AKAP8: variants seen among roughly 807,000 people sequenced by gnomAD.
The protein encoded by AKAP8 is A-kinase anchoring protein 8.
A neutral mutation model predicts 67.5 loss-of-function variants in AKAP8; 24 were observed. The ratio of observed to expected loss-of-function variants is 0.36; its 90% CI spans 0.26 to 0.50. The LOEUF (loss-of-function observed/expected upper bound fraction) is 0.50. Ranked by LOEUF, AKAP8 falls within the 20% of genes least tolerant of loss-of-function variation. The probability of loss-of-function intolerance (pLI) is 0.97; values close to 1 mark genes in which losing one functional copy is unlikely to be tolerated. For missense variants in AKAP8, 971 were observed against 955.9 expected (o/e 1.02, Z -0.21); for synonymous variants, 400 against 371.1 (o/e 1.08, Z -0.90).
At chr19:15,368,191 C>T (rs1967098671) in intron 9 of AKAP8, 44 bp downstream of exon 9, 2 of 1,605,238 alleles carry the variant, frequency 1.2e-6, no homozygotes, top group East Asian at 4.5e-5. Flanking sequence ...GCCTCCACCG[C>T]ACGAGTCCAC....
intron 9 of AKAP8, among the ~76,000 whole-genome samples, chr19:15,362,931 G>A (rs1966996934): frequency 6.6e-6 from 1 of 151,850 alleles, no homozygotes; most frequent in Non-Finnish European, 1.5e-5. Flanking sequence ...CTTCCCGGCC[G>A]CCATCACATC....
chr19:15,361,035 A>T, intron 11 of AKAP8, 57 bp from the exon 12 acceptor site: 2 of 1,583,276 alleles, frequency 1.3e-6, no homozygotes, highest in Non-Finnish European at 8.6e-7. Flanking sequence ...CTTTCCTCCT[A>T]CTCCCCATCT....
intron 8 of AKAP8, chr19:15,368,887 C>T (rs1292277276): frequency 1.0e-6 from 1 of 985,206 alleles, no homozygotes; most frequent in African/African-American, 1.7e-5. Context: ...AGGGCTTTCC[C>T]AGGGCTGCGT....
At chr19:15,357,781 T>G (rs961239525) in intron 13 of AKAP8, among the ~76,000 whole-genome samples, 2 of 149,440 alleles carry the variant, frequency 1.3e-5, no homozygotes, top group African/African-American at 4.9e-5. Context: ...TGGCACGATC[T>G]TGGCTCACTG....
intron 13 of AKAP8, 64 bp downstream of exon 13, chr19:15,358,903 T>A (rs1568423255): frequency 6.8e-7 from 1 of 1,469,942 alleles, no homozygotes. Flanking sequence ...TTCAACTCCC[T>A]GCTCCTGGGG....
Position 15,371,287 on chromosome 19 carries a change from ACGTGCTGCC to A in AKAP8, c.1038+656_1038+664del, listed in dbSNP as rs200278855. 7.3e-4 allele frequency among the ~76,000 whole-genome samples: 111 copies of A among 152,096 alleles called. 1 individual carries two copies. In the East Asian group the frequency reaches 0.016, roughly 21 times the overall value. On this transcript the variant is annotated intron_variant, in intron 7 of 13. Coordinates refer to ENST00000269701, the MANE Select transcript of AKAP8 (RefSeq NM_005858.4). ...GTGGTCCCGGCTATGAACTGGCCCCACGTGCTGCCTGCCTGTGCCTTGTTGTGAGGATGG... is the reference window on the plus strand; with the variant it reads ...GTGGTCCCGGCTATGAACTGGCCCCATGCCTGTGCCTTGTTGTGAGGATGG...
At position 15,369,715 on chromosome 19, in the gene AKAP8, A is replaced by C. The variant is rs1046988757; in HGVS notation, c.1072+431T>G. Among the ~76,000 whole-genome samples the C allele has an allele frequency of 1.3e-5, 2 of 152,184 alleles. No homozygotes were observed. Among genetic ancestry groups the C allele is most frequent in the African/African-American group, 4.8e-5 (2 of 41,442 alleles). ...CAGTGCAGCTGCCAGTATCCCCACC[A>C]CAGAGGCCCACAGCACAGCCCAGGG... On this transcript the variant is annotated intron_variant, in intron 8 of 13. Transcript: ENST00000269701. This position sits in a 1 kb window ranked among gnomAD's most constrained non-coding sequence, Gnocchi z 4.6.
chr19:15,372,466 C>G, intron 5 of AKAP8, 119 bp from the exon 6 acceptor site: 1 of 1,353,522 alleles, frequency 7.4e-7, no homozygotes, highest in Non-Finnish European at 1.0e-6. Flanking sequence ...TTTCAAAAAG[C>G]AAAGAGACAA....
At chr19:15,374,567 T>G in intron 3 of AKAP8, 36 bp downstream of exon 3, 2 of 1,607,238 alleles carry the variant, frequency 1.2e-6, no homozygotes, top group Non-Finnish European at 1.7e-6. Context: ...GAGGCCCACT[T>G]GCCCGCCCAC....
intron 9 of AKAP8, among the ~76,000 whole-genome samples, chr19:15,367,695 C>T (rs1568426583): frequency 6.6e-6 from 1 of 152,198 alleles, no homozygotes; most frequent in Non-Finnish European, 1.5e-5. Flanking sequence ...CCTTTGGGCT[C>T]AACATTTTTG....
rs1337127370 is a variant in AKAP8 at position 15,374,078 on chromosome 19, G to C, written c.92-13C>G. ...TAGTTTTCATAACCTGTCACAGGGG[G>C]AGGAGCCAAGTCAGACTTCAGCAGC... On this transcript the variant is annotated splice_polypyrimidine_tract_variant and intron_variant, in intron 3 of 13. Coordinates refer to ENST00000269701, the MANE Select transcript of AKAP8 (RefSeq NM_005858.4). 1 of 1,535,836 alleles carries C rather than the reference G, an allele frequency of 6.5e-7. No homozygotes were observed. Among genetic ancestry groups the C allele is most frequent in the Non-Finnish European group, 8.7e-7 (1 of 1,144,094 alleles).
chr19:15,379,286 C>G (rs1166302659), intron 1 of AKAP8: 4 of 172,024 alleles, frequency 2.3e-5, no homozygotes, highest in African/African-American at 7.1e-5. Context: ...TCCCCGGGTC[C>G]GACCTCACAA....
intron 8 of AKAP8, chr19:15,368,885 C>T (rs1352806138): frequency 5.1e-6 from 5 of 985,326 alleles, no homozygotes; most frequent in Non-Finnish European, 6.0e-6. Flanking sequence ...CTAGGGCTTT[C>T]CCAGGGCTGC....
At chr19:15,378,642 T>C (rs552479394) in intron 1 of AKAP8, among the ~76,000 whole-genome samples, 2 of 152,162 alleles carry the variant, frequency 1.3e-5, no homozygotes, top group Non-Finnish European at 2.9e-5. Context: ...AACCTCTCTC[T>C]GCAATTTCTG....
chr19:15,362,168 T>C lies in AKAP8; in HGVS notation c.1244A>G (p.Lys415Arg). 1 of 1,614,068 alleles carries C rather than the reference T, an allele frequency of 6.2e-7. No individual in the cohort carries two copies. Among genetic ancestry groups the C allele is most frequent in the Middle Eastern group, 1.6e-4 (1 of 6,062 alleles). ...IQKHLQSKFH[K>R]ETLRFISTKL... Reference sequence around the variant, plus strand: ...GGTGCTTATGAACCGCAGGGTCTCTTTGTGAAATTTGCTTTGCAGATGCTT... The same window carrying C: ...GGTGCTTATGAACCGCAGGGTCTCTCTGTGAAATTTGCTTTGCAGATGCTT... The change falls in exon 10 of 14, where the codon AAA (lysine) becomes AGA (arginine). Residue 415 changes from lysine (K) to arginine (R), a missense_variant. Lys to Arg is a conservative substitution (Grantham distance 26). This residue lies in a region of AKAP8 where 763 missense variants were observed against 745.4 expected (regional missense o/e 1.02). Coordinates refer to ENST00000269701, the MANE Select transcript of AKAP8 (RefSeq NM_005858.4).
At chr19:15,378,412 G>C (rs1967294399) in intron 1 of AKAP8, among the ~76,000 whole-genome samples, 1 of 152,106 alleles carries the variant, frequency 6.6e-6, no homozygotes, top group Non-Finnish European at 1.5e-5. Flanking sequence ...CAGTGTGTCT[G>C]AAAGGTTTTC....
chr19:15,372,630 G>C (rs1967178802), intron 5 of AKAP8, among the ~76,000 whole-genome samples: 1 of 152,106 alleles, frequency 6.6e-6, no homozygotes, highest in Non-Finnish European at 1.5e-5. Context: ...GCGGGGAAGA[G>C]ACAGGGGTGA....
At chr19:15,367,743 G>C (rs542852606) in intron 9 of AKAP8, among the ~76,000 whole-genome samples, 13 of 152,198 alleles carry the variant, frequency 8.5e-5, no homozygotes, top group Admixed American at 8.5e-4. Flanking sequence ...CTTGATGGTA[G>C]GATCATCTCT....
intron 10 of AKAP8, 23 bp from the exon 11 acceptor site, chr19:15,361,845 TAAAGTAA>T (rs1966971847): frequency 6.3e-7 from 1 of 1,597,064 alleles, no homozygotes; most frequent in Admixed American, 1.7e-5. Flanking sequence ...GGAGAGGGCA[TAAAGTAA>T]AATGAGAGGT....
Sources: gnomAD v4.1 joint callset for allele counts (sites outside exome capture counted in the v4.1 genomes callset) on GRCh38, gnomAD v4.1.1 for gene constraint, gnomAD v4.1.1 regional missense constraint, Gnocchi (gnomAD v3.1) non-coding constraint, MANE v1.5 for transcripts, NCBI Gene and HGNC (gene_info 2026-07-23, HGNC 2026-07-21) for gene names.